The following FRMD6 variants were observed in gnomAD, a reference collection of about 807,000 sequenced individuals.
FRMD6 encodes FERM domain-containing protein 6.
Under a neutral mutation model 73.2 loss-of-function variants are expected in FRMD6, and 37 were observed. The ratio of observed to expected loss-of-function variants is 0.51; its 90% CI spans 0.39 to 0.66. The LOEUF (loss-of-function observed/expected upper bound fraction) is 0.66. Ranked by LOEUF, FRMD6 falls within the 30% of genes least tolerant of loss-of-function variation. The pLI is 0.00. For synonymous variants in FRMD6, 273 were observed against 282.2 expected (o/e 0.97, Z 0.33); for missense variants, 714 against 780.5 (o/e 0.91, Z 1.02).
upstream of FRMD6, among the ~76,000 whole-genome samples, chr14:51,488,227 G>T (rs187579285): frequency 1.2e-4 from 19 of 152,308 alleles, no homozygotes; most frequent in East Asian, 3.7e-3. Flanking sequence ...ATTTTGATTG[G>T]CTAGACTTGG....
intron 2 of FRMD6, among the ~76,000 whole-genome samples, chr14:51,615,237 T>C (rs1206794981): frequency 6.6e-6 from 1 of 152,226 alleles, no homozygotes; most frequent in Non-Finnish European, 1.5e-5. Flanking sequence ...AAATAAAGCA[T>C]TGACTGTGTT....
At chr14:51,659,490 T>C (rs2140150914) in intron 1 of FRMD6, among the ~76,000 whole-genome samples, 1 of 152,372 alleles carries the variant, frequency 6.6e-6, no homozygotes, top group African/African-American at 2.4e-5. Flanking sequence ...CAGTTACAGA[T>C]ACTGGCAAGT....
At chr14:51,581,532 T>C (rs1026977910) in intron 2 of FRMD6, among the ~76,000 whole-genome samples, 1 of 152,238 alleles carries the variant, frequency 6.6e-6, no homozygotes, top group Non-Finnish European at 1.5e-5. Flanking sequence ...ATCAGTCAAG[T>C]ACCAATTCAA....
chr14:51,535,191 A>G (rs186678759), intron 1 of FRMD6, among the ~76,000 whole-genome samples: 43 of 152,312 alleles, frequency 2.8e-4, no homozygotes, highest in African/African-American at 1.0e-3. Flanking sequence ...TAAAAAAAAT[A>G]GCTTATTGAA....
intron 2 of FRMD6, among the ~76,000 whole-genome samples, chr14:51,571,916 G>A (rs949735659): frequency 1.3e-5 from 2 of 152,198 alleles, no homozygotes; most frequent in Admixed American, 1.3e-4. Context: ...AGCAGACAGG[G>A]GAGATATCAA....
chr14:51,462,102 A>AAGAG, the FRMD6 span, among the ~76,000 whole-genome samples: 1 of 152,180 alleles, frequency 6.6e-6, no homozygotes, highest in Non-Finnish European at 1.5e-5. Flanking sequence ...GAAAGAAAGA[A>AAGAG]GGAAGGAAAG....
chr14:51,556,615 G>T (rs1050691609), intron 1 of FRMD6, among the ~76,000 whole-genome samples: 6 of 152,142 alleles, frequency 3.9e-5, no homozygotes, highest in Middle Eastern at 3.2e-3. Context: ...AGGGGTATTG[G>T]CCTTAGGCAA....
At chr14:51,515,061 A>C (rs1956569) in intron 1 of FRMD6, among the ~76,000 whole-genome samples, 88,546 of 152,004 alleles carry the variant, frequency 0.58, 26,920 homozygotes, top group African/African-American at 0.75. Flanking sequence ...CATCCTAGAA[A>C]CTTGTTATGC....
chr14:51,690,375 G>GT (rs1046253479), intron 2 of FRMD6, among the ~76,000 whole-genome samples: 3 of 151,800 alleles, frequency 2.0e-5, no homozygotes, highest in East Asian at 3.9e-4. Context: ...AACCTAGATA[G>GT]TTTTTTTTGT....
rs1224197029 is a variant in FRMD6 at position 51,721,957 on chromosome 14, A to T, written c.1369A>T (p.Met457Leu). 2 of 1,613,756 alleles carry T rather than the reference A, an allele frequency of 1.2e-6. No individual in the cohort carries two copies. Among genetic ancestry groups the T allele is most frequent in the Non-Finnish European group, 1.7e-6 (2 of 1,179,942 alleles). The change falls in exon 12 of 14, where the codon ATG becomes TTG. Residue 457 changes from methionine (M) to leucine (L), a missense_variant. Met to Leu is a conservative substitution (Grantham distance 15). Transcript: ENST00000344768. ...EEDLQDDEIE[M>L]LVDDPRDLEQ... ...TCCTTCTTCTGTGTCAGAAATAGAGATGTTGGTTGATGACCCCCGGGATCT... is the reference window on the plus strand; with the variant it reads ...TCCTTCTTCTGTGTCAGAAATAGAGTTGTTGGTTGATGACCCCCGGGATCT...
rs532090084 is a variant in FRMD6, at chr14:51,510,980, G to A, written c.-210+21560G>A. On this transcript the variant is annotated intron_variant, in intron 1 of 14. Transcript: ENST00000356218. ...GCAGTGTCTGGCTCTTCTTTCTTTC[G>A]CTCCCCGCCCCCGCCAAGAGGCCTA... is the stretch of plus-strand genomic sequence containing the variant. Among the ~76,000 whole-genome samples, 8 of 151,406 alleles carry A rather than the reference G, an allele frequency of 5.3e-5. No individual in the cohort carries two copies. The South Asian group carries it at 1.5e-3, about 28-fold the overall frequency.
At position 51,713,226 on chromosome 14, in the gene FRMD6, G is replaced by A. The variant is rs1205371730; in HGVS notation, c.849+675G>A. Among the ~76,000 whole-genome samples, 10 of 152,274 alleles carry A rather than the reference G, an allele frequency of 6.6e-5. No individual in the cohort carries two copies. In the East Asian group the frequency reaches 1.7e-3, roughly 27 times the overall value. ...AATCCCAGCCACTTTGGGAGGCCAAGGTGAGCAGATCACCTGAGGTCAGGA... is the reference window on the plus strand; with the variant it reads ...AATCCCAGCCACTTTGGGAGGCCAAAGTGAGCAGATCACCTGAGGTCAGGA... On this transcript the variant is annotated intron_variant, in intron 9 of 13. Coordinates refer to ENST00000344768, the MANE Select transcript of FRMD6 (RefSeq NM_001267046.2).
chr14:51,612,988 G>A (rs958004771), intron 2 of FRMD6, among the ~76,000 whole-genome samples: 1 of 152,150 alleles, frequency 6.6e-6, no homozygotes, highest in African/African-American at 2.4e-5. Flanking sequence ...CAGGCAAAGG[G>A]ACACACAGGT....
chr14:51,411,629 G>T, the FRMD6 span, among the ~76,000 whole-genome samples: 1 of 152,294 alleles, frequency 6.6e-6, no homozygotes, highest in Admixed American at 6.5e-5. Flanking sequence ...ATGCACCCAT[G>T]GTTTGATAAT....
intron 1 of FRMD6, among the ~76,000 whole-genome samples, chr14:51,506,667 G>C (rs1462838032): frequency 6.6e-6 from 1 of 151,976 alleles, no homozygotes; most frequent in African/African-American, 2.4e-5. Context: ...ATTTGACCCA[G>C]CACTTCCATT....
chr14:51,650,212 C>G (rs1300136601), upstream of FRMD6: 1 of 152,142 alleles, frequency 6.6e-6, no homozygotes, highest in African/African-American at 2.4e-5. Context: ...TCCTAATATT[C>G]AGTTCTAATG....
At chr14:51,544,731 A>G (rs1886376721) in intron 1 of FRMD6, among the ~76,000 whole-genome samples, 2 of 151,984 alleles carry the variant, frequency 1.3e-5, no homozygotes, top group South Asian at 2.1e-4. Context: ...GGAATGAAAT[A>G]ATAAACAATA....
At chr14:51,639,115 C>T (rs188465972) in intron 2 of FRMD6, among the ~76,000 whole-genome samples, 5 of 151,884 alleles carry the variant, frequency 3.3e-5, no homozygotes, top group Non-Finnish European at 7.4e-5. Context: ...CTTTTCTTTT[C>T]CTTTGTTTTT....
chr14:51,711,741 A>G (rs1594771360), intron 8 of FRMD6, 145 bp downstream of exon 8: 1 of 573,494 alleles, frequency 1.7e-6, no homozygotes. Flanking sequence ...GATGTGGATG[A>G]TGTAGGATGG....
Sources: gnomAD v4.1 joint callset for allele counts (sites outside exome capture counted in the v4.1 genomes callset) on GRCh38, gnomAD v4.1.1 for gene constraint, MANE v1.5 for transcripts, NCBI Gene and HGNC (gene_info 2026-07-23, HGNC 2026-07-21) for gene names.